The following DRC3 variants were observed in gnomAD, a reference collection of about 807,000 sequenced individuals.
DRC3 encodes dynein regulatory complex subunit 3, also known as leucine rich repeat containing 48.
Under a neutral mutation model 57.6 loss-of-function variants are expected in DRC3, and 45 were observed. That is an observed-to-expected ratio of 0.78 (90% CI 0.62 to 1.00). The LOEUF (loss-of-function observed/expected upper bound fraction) is 1.00. Ranked by LOEUF, DRC3 falls within the 50% of genes least tolerant of loss-of-function variation. DRC3 has a pLI of 0.00. For synonymous variants in DRC3, 257 were observed against 272.3 expected (o/e 0.94, Z 0.55); for missense variants, 655 against 675.2 (o/e 0.97, Z 0.33).
At chr17:17,982,220 T>TC (rs1254838966) in intron 3 of DRC3, among the ~76,000 whole-genome samples, 1 of 146,214 alleles carries the variant, frequency 6.8e-6, no homozygotes, top group East Asian at 2.0e-4. Context: ...CTCCATCTCT[T>TC]TTTTTTTTTT....
At chr17:18,009,646 TTTGA>T (rs2044100976) in intron 12 of DRC3, among the ~76,000 whole-genome samples, 1 of 152,108 alleles carries the variant, frequency 6.6e-6, no homozygotes, top group African/African-American at 2.4e-5. Flanking sequence ...AACCAGGCAG[TTTGA>T]TTGAAAGCCT....
chr17:18,010,400 A>G (rs2044126504), intron 12 of DRC3, among the ~76,000 whole-genome samples: 3 of 152,164 alleles, frequency 2.0e-5, no homozygotes, highest in Admixed American at 2.0e-4. Context: ...TTGCTACCCA[A>G]AGCAACCTAC....
intron 3 of DRC3, among the ~76,000 whole-genome samples, chr17:17,980,131 G>T (rs764208712): frequency 6.6e-6 from 1 of 152,242 alleles, no homozygotes; most frequent in African/African-American, 2.4e-5. Context: ...CCAGAACTTT[G>T]TGCAGGGAGG....
intron 5 of DRC3, 50 bp from the exon 6 acceptor site, chr17:17,992,712 TTTC>T (rs1264675244): frequency 1.3e-6 from 2 of 1,581,878 alleles, no homozygotes; most frequent in Non-Finnish European, 1.7e-6. Context: ...GCAGCTGTGT[TTTC>T]AACTCTGTGG....
chr17:17,988,783 T>C (rs572103092), intron 5 of DRC3, among the ~76,000 whole-genome samples: 1 of 152,266 alleles, frequency 6.6e-6, no homozygotes, highest in East Asian at 1.9e-4. Flanking sequence ...CGTGGTGGCT[T>C]AGGTGAGTGA....
chr17:18,012,136 T>G (rs2044191589), intron 12 of DRC3, among the ~76,000 whole-genome samples: 2 of 152,218 alleles, frequency 1.3e-5, no homozygotes, highest in Non-Finnish European at 2.9e-5. Context: ...GAATTAAGCC[T>G]GTTTAAAACA....
chr17:17,978,951 G>A (rs562252113), intron 3 of DRC3, among the ~76,000 whole-genome samples: 3 of 152,312 alleles, frequency 2.0e-5, no homozygotes, highest in South Asian at 2.1e-4. Context: ...CTTGATGGGG[G>A]ACAATTAAAT....
In DRC3 at chr17:17,999,914, C is replaced by G. The variant is rs543997591; in HGVS notation, c.999+2280C>G. On this transcript the variant is annotated intron_variant, in intron 9 of 13. Coordinates refer to ENST00000399187, the MANE Select transcript of DRC3 (RefSeq NM_031294.4). Reference sequence around the variant, plus strand: ...CGGTCTCCCTCCTACTCCTGTATCTCTGTGTGTGTGTGTGTGCGTGCGTGC... The same window carrying G: ...CGGTCTCCCTCCTACTCCTGTATCTGTGTGTGTGTGTGTGTGCGTGCGTGC... 1.2e-3 allele frequency among the ~76,000 whole-genome samples: 189 copies of G among 151,638 alleles called. 1 individual carries two copies. The highest frequency in any genetic ancestry group is 2.7e-3 in the South Asian group (13 of 4,810).
chr17:18,006,033 A>G, intron 10 of DRC3, 150 bp from the exon 11 acceptor site: 1 of 653,414 alleles, frequency 1.5e-6, no homozygotes, highest in South Asian at 1.8e-5. Context: ...GGGTCAGTTC[A>G]CAACCATCTG....
intron 10 of DRC3, chr17:18,005,267 T>C (rs1472001895): frequency 6.6e-6 from 1 of 152,252 alleles, no homozygotes; most frequent in African/African-American, 2.4e-5. Context: ...CTACTTGTAT[T>C]ACTGGTGGCC....
chr17:17,977,512 ACCT>A, intron 2 of DRC3, 67 bp from the exon 3 acceptor site: 4 of 1,582,268 alleles, frequency 2.5e-6, no homozygotes, highest in Non-Finnish European at 3.5e-6. Flanking sequence ...ACAGGGGGAA[ACCT>A]CAGCCAGACC....
intron 8 of DRC3, 145 bp from the exon 9 acceptor site, chr17:17,997,315 A>C (rs1036891501): frequency 1.4e-6 from 1 of 707,554 alleles, no homozygotes; most frequent in Non-Finnish European, 2.2e-6. Context: ...TCATCCACCA[A>C]ATGAACCAAA....
rs1292233119 is a variant in DRC3 at position 18,016,170 on chromosome 17, C to G, written c.1433C>G (p.Ser478Cys). 1 of 1,614,016 alleles carries G rather than the reference C, an allele frequency of 6.2e-7. No homozygotes were observed. Among genetic ancestry groups the G allele is most frequent in the Non-Finnish European group, 8.5e-7 (1 of 1,179,874 alleles). The change falls in exon 13 of 14, where the codon TCT becomes TGT. Residue 478 changes from serine to cysteine, a missense_variant. Coordinates refer to ENST00000399187, the MANE Select transcript of DRC3 (RefSeq NM_031294.4). ...REDELVTRIN[S>C]WCTRLIDRIH... The stretch of plus-strand genomic sequence containing the variant: ...GATGAGCTGGTGACCAGAATCAACT[C>G]TTGGTGTACACGTTTAATAGACAGG...
chr17:18,012,657 G>A (rs2044209311), intron 12 of DRC3, among the ~76,000 whole-genome samples: 2 of 151,646 alleles, frequency 1.3e-5, no homozygotes, highest in African/African-American at 2.4e-5. Flanking sequence ...ACTCCAGCCT[G>A]AGCAATAGAG....
At chr17:17,984,481 AG>A (rs1216532659) in intron 4 of DRC3, among the ~76,000 whole-genome samples, 1 of 152,098 alleles carries the variant, frequency 6.6e-6, no homozygotes, top group African/African-American at 2.4e-5. Flanking sequence ...AAGGCCATGG[AG>A]GGTTTTGATG....
chr17:17,999,944 G>A (rs1000976972), intron 9 of DRC3, among the ~76,000 whole-genome samples: 3 of 151,360 alleles, frequency 2.0e-5, no homozygotes, highest in Admixed American at 6.6e-5. Context: ...GCGTGCACAC[G>A]CGCACATAGC....
At chr17:17,993,453 T>C (rs1408342912) in intron 6 of DRC3, 1 of 152,246 alleles carries the variant, frequency 6.6e-6, no homozygotes, top group Non-Finnish European at 1.5e-5. Flanking sequence ...GCCATTGCAC[T>C]CCAGCCTGGG....
chr17:18,012,575 A>T (rs952536351), intron 12 of DRC3, among the ~76,000 whole-genome samples: 6 of 152,126 alleles, frequency 3.9e-5, no homozygotes, highest in Non-Finnish European at 8.8e-5. Flanking sequence ...CCAGCTACTC[A>T]GGATGCTGAG....
intron 3 of DRC3, 100 bp downstream of exon 3, chr17:17,977,858 G>A (rs547975894): frequency 5.3e-6 from 7 of 1,311,324 alleles, no homozygotes; most frequent in East Asian, 2.5e-5. Context: ...GTCCACGGTC[G>A]AGGTTCCCAC....
Sources: allele counts gnomAD v4.1 joint callset (sites outside exome capture counted in the v4.1 genomes callset), GRCh38; gene constraint gnomAD v4.1.1; transcripts MANE v1.5; gene names NCBI Gene and HGNC (gene_info 2026-07-23, HGNC 2026-07-21).